The following KCNH7 variants were observed in gnomAD, a reference collection of about 807,000 sequenced individuals.
KCNH7 encodes the protein voltage-gated inwardly rectifying potassium channel KCNH7.
Under a neutral mutation model 120.8 loss-of-function variants are expected in KCNH7, and 49 were observed. The ratio of observed to expected loss-of-function variants is 0.41; its 90% confidence interval spans 0.32 to 0.51. The LOEUF (loss-of-function observed/expected upper bound fraction) is 0.51, where lower values mean the gene tolerates loss of function less well. KCNH7 is among the 20% of genes least tolerant of loss of function. The pLI is 0.38. For missense variants in KCNH7, 1,097 were observed against 1,446.6 expected (o/e 0.76, Z 3.92); for synonymous variants, 547 against 516.1 (o/e 1.06, Z -0.81).
chr2:162,791,753 C>T (rs1683953702), intron 2 of KCNH7, among the ~76,000 whole-genome samples: 1 of 152,034 alleles, frequency 6.6e-6, no homozygotes, highest in African/African-American at 2.4e-5. Flanking sequence ...TCTTCTCTTC[C>T]TATTTGGATG....
chr2:162,472,720 C>A (rs1406580501), intron 6 of KCNH7, among the ~76,000 whole-genome samples: 1 of 152,142 alleles, frequency 6.6e-6, no homozygotes, highest in Admixed American at 6.5e-5. Context: ...ACCATTTGAC[C>A]CAGCCATCCC....
intron 4 of KCNH7, among the ~76,000 whole-genome samples, chr2:162,516,331 G>T (rs947917968): frequency 6.6e-6 from 1 of 151,744 alleles, no homozygotes; most frequent in African/African-American, 2.4e-5. Context: ...TAATTCTTCT[G>T]GTTTGGGAAG....
intron 6 of KCNH7, among the ~76,000 whole-genome samples, chr2:162,450,751 C>T (rs1018220100): frequency 2.6e-5 from 4 of 151,850 alleles, no homozygotes; most frequent in Non-Finnish European, 4.4e-5. Context: ...ATCAAGGTGG[C>T]CAAGTTTGGT....
intron 2 of KCNH7, among the ~76,000 whole-genome samples, chr2:162,729,654 C>CAA (rs1205742652): frequency 6.6e-6 from 1 of 152,132 alleles, no homozygotes; most frequent in Non-Finnish European, 1.5e-5. Context: ...ATAGTGCCTT[C>CAA]AATAAAATGC....
chr2:162,659,893 C>T (rs1684900589), intron 2 of KCNH7, among the ~76,000 whole-genome samples: 1 of 152,068 alleles, frequency 6.6e-6, no homozygotes, highest in Non-Finnish European at 1.5e-5. Context: ...GTAGAACTCA[C>T]CATTGAACTC....
At chr2:162,393,401 G>C (rs943233280) in intron 12 of KCNH7, among the ~76,000 whole-genome samples, 1 of 151,868 alleles carries the variant, frequency 6.6e-6, no homozygotes, top group African/African-American at 2.4e-5. Flanking sequence ...GGGCATAAAT[G>C]GGATCACCCA....
chr2:162,785,641 T>C (rs553368720), intron 2 of KCNH7, among the ~76,000 whole-genome samples: 1 of 152,338 alleles, frequency 6.6e-6, no homozygotes, highest in African/African-American at 2.4e-5. Flanking sequence ...TTTTGGATTT[T>C]ATTTTCTCCT....
intron 12 of KCNH7, among the ~76,000 whole-genome samples, chr2:162,385,240 A>G (rs1686539601): frequency 6.6e-6 from 1 of 151,958 alleles, no homozygotes; most frequent in Non-Finnish European, 1.5e-5. Context: ...AGAATCTGGT[A>G]CACTCTTTCT....
At chr2:162,837,735 T>C (rs955633360) in intron 1 of KCNH7, among the ~76,000 whole-genome samples, 1 of 152,236 alleles carries the variant, frequency 6.6e-6, no homozygotes, top group Non-Finnish European at 1.5e-5. Context: ...CATGAGAACA[T>C]TAAATTTCTG....
chr2:162,393,416 A>G (rs1038907147), intron 12 of KCNH7, among the ~76,000 whole-genome samples: 7 of 151,980 alleles, frequency 4.6e-5, no homozygotes, highest in African/African-American at 1.4e-4. Flanking sequence ...CACCCAGAGA[A>G]AGAGTATGAT....
intron 2 of KCNH7, among the ~76,000 whole-genome samples, chr2:162,691,810 C>T (rs1686113757): frequency 6.6e-6 from 1 of 152,104 alleles, no homozygotes; most frequent in Non-Finnish European, 1.5e-5. Flanking sequence ...ATTTTAAAGT[C>T]AAATATTGCT....
intron 14 of KCNH7, among the ~76,000 whole-genome samples, chr2:162,378,615 A>G (rs1359696356): frequency 6.6e-6 from 1 of 152,264 alleles, no homozygotes; most frequent in Non-Finnish European, 1.5e-5. Context: ...TATCAACGAT[A>G]GAAATATGTA....
intron 6 of KCNH7, among the ~76,000 whole-genome samples, chr2:162,457,172 G>T (rs562014389): frequency 6.6e-6 from 1 of 152,128 alleles, no homozygotes; most frequent in South Asian, 2.1e-4. Flanking sequence ...ACATGAATAG[G>T]ATTCTAAGAA....
At chr2:162,809,284 G>A (rs957726890) in intron 2 of KCNH7, among the ~76,000 whole-genome samples, 3 of 152,154 alleles carry the variant, frequency 2.0e-5, no homozygotes, top group Admixed American at 6.6e-5. Context: ...CATTAAAATT[G>A]TATATCAGTT....
chr2:162,685,428 A>T (rs16847116), intron 2 of KCNH7, among the ~76,000 whole-genome samples: 1,628 of 152,246 alleles, frequency 0.011, 24 homozygotes, highest in African/African-American at 0.037. Flanking sequence ...GAACATTGGT[A>T]TAGTACAAGG....
At chr2:162,627,463 C>T (rs73028537) in intron 2 of KCNH7, among the ~76,000 whole-genome samples, 4,237 of 152,158 alleles carry the variant, frequency 0.028, 216 homozygotes, top group African/African-American at 0.097. Flanking sequence ...TCAGGCAAAA[C>T]ATTAGAGGTA....
At chr2:162,768,780 C>T (rs115383778) in intron 2 of KCNH7, among the ~76,000 whole-genome samples, 2 of 137,400 alleles carry the variant, frequency 1.5e-5, no homozygotes. Context: ...TTCCCCATGT[C>T]GAATCGCCAA....
At chr2:162,431,629 G>A (rs1399894681) in intron 8 of KCNH7, among the ~76,000 whole-genome samples, 3 of 151,906 alleles carry the variant, frequency 2.0e-5, no homozygotes, top group African/African-American at 7.3e-5. Context: ...TTTGGATTAA[G>A]GTGTATAGAA....
At chr2:162,758,588 C>T (rs529480353) in intron 2 of KCNH7, among the ~76,000 whole-genome samples, 64 of 151,892 alleles carry the variant, frequency 4.2e-4, no homozygotes, top group African/African-American at 1.5e-3. Flanking sequence ...TCTACATTTA[C>T]GTATCTACAT....
Sources: gnomAD v4.1 joint callset for allele counts (sites outside exome capture counted in the v4.1 genomes callset) on GRCh38, gnomAD v4.1.1 for gene constraint, MANE v1.5 for transcripts, NCBI Gene and HGNC (gene_info 2026-07-23, HGNC 2026-07-21) for gene names.